Variants in LTBP1 observed in about 807,000 individuals in gnomAD.
LTBP1 encodes latent-transforming growth factor beta-binding protein 1.
Under a neutral mutation model 207.6 loss-of-function variants are expected in LTBP1, and 129 were observed. The ratio of observed to expected loss-of-function variants is 0.62; its 90% CI spans 0.54 to 0.72. The LOEUF is 0.72. Among genes scored for constraint, LTBP1 ranks in the 30% least tolerant of loss-of-function variants. The probability of loss-of-function intolerance (pLI) is 0.00; values close to 1 mark genes in which losing one functional copy is unlikely to be tolerated. For synonymous variants in LTBP1, 963 were observed against 833.7 expected, an observed-to-expected ratio of 1.16 and a Z score of -2.67; for missense variants, 2,281 against 2,217.2, an observed-to-expected ratio of 1.03 and a Z score of -0.58.
At chr2:33,141,936 C>A (rs1325272807) in intron 5 of LTBP1, among the ~76,000 whole-genome samples, 2 of 151,808 alleles carry the variant, frequency 1.3e-5, no homozygotes, top group Non-Finnish European at 1.5e-5. Context: ...AATTCTTGTT[C>A]TTTGGGTGAA....
chr2:33,128,826 G>A (rs1161288031), intron 4 of LTBP1, among the ~76,000 whole-genome samples: 1 of 152,154 alleles, frequency 6.6e-6, no homozygotes, highest in Non-Finnish European at 1.5e-5. Context: ...TCCTTTTTAT[G>A]AACGGATTCA....
intron 31 of LTBP1, among the ~76,000 whole-genome samples, chr2:33,369,300 C>T (rs927610154): frequency 6.6e-6 from 1 of 152,094 alleles, no homozygotes; most frequent in Admixed American, 6.6e-5. Flanking sequence ...ACATGGTCAG[C>T]CAAACCAAAA....
intron 3 of LTBP1, among the ~76,000 whole-genome samples, chr2:33,063,839 A>G (rs1163300155): frequency 1.3e-5 from 2 of 148,624 alleles, no homozygotes; most frequent in African/African-American, 4.9e-5. Context: ...ATATATTTCT[A>G]AGTATTGTAT....
intron 2 of LTBP1, among the ~76,000 whole-genome samples, chr2:33,007,442 T>G (rs1417367393): frequency 6.6e-6 from 1 of 152,238 alleles, no homozygotes; most frequent in Non-Finnish European, 1.5e-5. Flanking sequence ...TCTCATTCAT[T>G]GTAGCTTTTA....
chr2:32,963,401 A>G (rs150692), intron 2 of LTBP1, among the ~76,000 whole-genome samples: 89,613 of 150,530 alleles, frequency 0.6, 27,631 homozygotes, highest in Non-Finnish European at 0.66. Flanking sequence ...TGTAGAGGTG[A>G]GGTCTCGCTG....
At chr2:33,045,828 A>G (rs1311655396) in intron 3 of LTBP1, among the ~76,000 whole-genome samples, 1 of 152,136 alleles carries the variant, frequency 6.6e-6, no homozygotes, top group East Asian at 1.9e-4. Flanking sequence ...GAGGTCCTTC[A>G]CATCCCTTGT....
intron 3 of LTBP1, among the ~76,000 whole-genome samples, chr2:33,038,768 G>A (rs1458617571): frequency 6.6e-6 from 1 of 152,216 alleles, no homozygotes; most frequent in Non-Finnish European, 1.5e-5. Context: ...CTATACGCTT[G>A]AGTCTTTGGA....
chr2:33,032,742 C>T (rs1207499068), intron 3 of LTBP1, among the ~76,000 whole-genome samples: 3 of 152,132 alleles, frequency 2.0e-5, no homozygotes, highest in Non-Finnish European at 4.4e-5. Context: ...GACTTATATT[C>T]ATTTAATTTA....
intron 7 of LTBP1, among the ~76,000 whole-genome samples, chr2:33,216,691 T>C (rs1376650160): frequency 6.6e-6 from 1 of 152,218 alleles, no homozygotes; most frequent in Non-Finnish European, 1.5e-5. Context: ...TTAGCCTGCA[T>C]AGCAGGGGTG....
At chr2:33,077,685 G>C (rs142344744) in intron 3 of LTBP1, among the ~76,000 whole-genome samples, 2 of 152,112 alleles carry the variant, frequency 1.3e-5, no homozygotes, top group Non-Finnish European at 2.9e-5. Context: ...ATTATAATTC[G>C]ACGTGAGATT....
At chr2:33,338,884 T>C (rs1413350179) in intron 24 of LTBP1, among the ~76,000 whole-genome samples, 5 of 152,108 alleles carry the variant, frequency 3.3e-5, no homozygotes, top group Non-Finnish European at 5.9e-5. Context: ...GCCAGACATA[T>C]AGGCAGGAGG....
intron 3 of LTBP1, among the ~76,000 whole-genome samples, chr2:33,033,066 C>G (rs2075759935): frequency 1.3e-5 from 2 of 152,172 alleles, no homozygotes; most frequent in East Asian, 3.9e-4. Flanking sequence ...GACAAGAAAC[C>G]AAAAGAAATG....
intron 31 of LTBP1, among the ~76,000 whole-genome samples, chr2:33,375,732 C>T (rs1226746262): frequency 1.4e-5 from 2 of 144,292 alleles, no homozygotes; most frequent in Non-Finnish European, 3.0e-5. Context: ...TTAGTAGAGA[C>T]GGGGTTTCAC....
At position 33,309,521 on chromosome 2, in the gene LTBP1, A is replaced by G; in HGVS notation, c.3569A>G (p.Asp1190Gly). The change falls in exon 23 of 34, where the codon GAT becomes GGT. Residue 1190 changes from aspartate to glycine, a missense_variant. Coordinates refer to ENST00000404816, the MANE Select transcript of LTBP1 (RefSeq NM_206943.4). ...TAGSYDCTCP[D>G]GFQLDDNKTC... is the part of the protein sequence containing the mutation. ...GGGTCCTATGATTGTACTTGTCCGG[A>G]TGGATTTCAGCTAGATGACAATAAA... 6.2e-7 allele frequency: 1 copy of G among 1,610,116 alleles called. No homozygotes were observed. The highest frequency in any genetic ancestry group is 1.1e-5 in the South Asian group (1 of 90,044).
intron 31 of LTBP1, among the ~76,000 whole-genome samples, chr2:33,375,165 A>T (rs1380686236): frequency 2.0e-5 from 3 of 152,200 alleles, no homozygotes; most frequent in Non-Finnish European, 4.4e-5. Context: ...ATATCCATGC[A>T]TGGCTCTTAC....
chr2:33,342,778 T>G, intron 24 of LTBP1, 60 bp from the exon 25 acceptor site: 2 of 1,583,484 alleles, frequency 1.3e-6, no homozygotes, highest in Non-Finnish European at 1.7e-6. Flanking sequence ...TATCCATTAA[T>G]ATCTGGTGTT....
At chr2:33,112,069 G>A (rs1427737780) in intron 4 of LTBP1, among the ~76,000 whole-genome samples, 1 of 152,102 alleles carries the variant, frequency 6.6e-6, no homozygotes, top group Non-Finnish European at 1.5e-5. Flanking sequence ...GTTTTATACA[G>A]ATGACAATTT....
intron 3 of LTBP1, among the ~76,000 whole-genome samples, chr2:33,105,175 A>T (rs935438521): frequency 4.6e-5 from 7 of 152,204 alleles, no homozygotes; most frequent in African/African-American, 7.2e-5. Flanking sequence ...ACTGGGAAAT[A>T]CTGAGGGTTC....
intron 15 of LTBP1, among the ~76,000 whole-genome samples, chr2:33,271,962 T>G (rs770265037): frequency 1.3e-5 from 2 of 152,226 alleles, no homozygotes; most frequent in Non-Finnish European, 2.9e-5. Context: ...TATAAACAAA[T>G]GTATCTTCCT....
Sources: gnomAD v4.1 joint callset for allele counts (sites outside exome capture counted in the v4.1 genomes callset) on GRCh38, gnomAD v4.1.1 for gene constraint, MANE v1.5 for transcripts, NCBI Gene and HGNC (gene_info 2026-07-23, HGNC 2026-07-21) for gene names.